PCDH7: variants seen among roughly 807,000 people sequenced by gnomAD.
PCDH7 encodes protocadherin-7.
A neutral mutation model predicts 58.9 loss-of-function variants in PCDH7; 17 were observed. The ratio of observed to expected loss-of-function variants is 0.29; its 90% CI spans 0.20 to 0.43. The LOEUF (loss-of-function observed/expected upper bound fraction) is 0.43. Ranked by LOEUF, PCDH7 falls within the 20% of genes least tolerant of loss-of-function variation. PCDH7 has a pLI of 1.00. For synonymous variants in PCDH7, 664 were observed against 616.4 expected, an observed-to-expected ratio of 1.08 and a Z score of -1.14; for missense variants, 1,274 against 1,441.0, an observed-to-expected ratio of 0.88 and a Z score of 1.88.
At chr4:31,078,664 T>C (rs1158861050) in intron 3 of PCDH7, among the ~76,000 whole-genome samples, 2 of 125,104 alleles carry the variant, frequency 1.6e-5, no homozygotes, top group Admixed American at 8.5e-5. Flanking sequence ...TTTTTTTTTT[T>C]GCAATCAAAC....
At chr4:30,897,783 G>T (rs774718686) in intron 1 of PCDH7, among the ~76,000 whole-genome samples, 3 of 152,140 alleles carry the variant, frequency 2.0e-5, no homozygotes, top group African/African-American at 4.8e-5. Context: ...AATGAAATAG[G>T]TTGTACTTTT....
Position 31,103,376 on chromosome 4 carries a change from G to A in PCDH7, c.*8-39097G>A, listed in dbSNP as rs375090900. Among the ~76,000 whole-genome samples the A allele has an allele frequency of 5.3e-5, 8 of 151,886 alleles. No individual in the cohort carries two copies. In the East Asian group the frequency reaches 9.7e-4, roughly 18 times the overall value. ...TGTTTTTGAGACAGCGTCTTGCTCTGTCACCTAGGCTGCTGTGCAGAGGCG... is the reference window on the plus strand; with the variant it reads ...TGTTTTTGAGACAGCGTCTTGCTCTATCACCTAGGCTGCTGTGCAGAGGCG... On this transcript the variant is annotated intron_variant, in intron 3 of 3. Coordinates refer to the PCDH7 transcript ENST00000509759.
At chr4:30,734,676 T>A (rs1715993774), downstream of PCDH7, among the ~76,000 whole-genome samples, 1 of 152,194 alleles carries the variant, frequency 6.6e-6, no homozygotes, top group Non-Finnish European at 1.5e-5. Flanking sequence ...TCAGAGGGAC[T>A]GCTGTCAAGT....
At chr4:30,993,739 A>G (rs1490902354) in intron 3 of PCDH7, among the ~76,000 whole-genome samples, 1 of 148,234 alleles carries the variant, frequency 6.7e-6, no homozygotes, top group Non-Finnish European at 1.5e-5. Flanking sequence ...TTCAATTTAG[A>G]TTTTTTTTTT....
At chr4:30,957,431 T>C (rs1385228059) in intron 3 of PCDH7, among the ~76,000 whole-genome samples, 6 of 152,154 alleles carry the variant, frequency 3.9e-5, no homozygotes, top group Non-Finnish European at 8.8e-5. Context: ...GTTCAAATAA[T>C]GAAGAAGATG....
At chr4:30,851,560 G>T (rs1367249109) in intron 1 of PCDH7, among the ~76,000 whole-genome samples, 1 of 151,892 alleles carries the variant, frequency 6.6e-6, no homozygotes, top group Admixed American at 6.6e-5. Context: ...CTAAATGGTT[G>T]GACAAACTAT....
At chr4:30,740,863 T>C (rs536170304) in intron 1 of PCDH7, among the ~76,000 whole-genome samples, 1 of 135,978 alleles carries the variant, frequency 7.4e-6, no homozygotes, top group African/African-American at 2.8e-5. Context: ...AGCATTTATA[T>C]AAATTTTTAT....
chr4:31,146,411 A>AGTAAATCTTGT (rs1720676499), downstream of PCDH7: 1 of 152,088 alleles, frequency 6.6e-6, no homozygotes, highest in Non-Finnish European at 1.5e-5. Context: ...TCATGAATAT[A>AGTAAATCTTGT]GTAAATCTTG....
At chr4:30,882,935 T>C (rs374254008) in intron 1 of PCDH7, among the ~76,000 whole-genome samples, 3 of 152,230 alleles carry the variant, frequency 2.0e-5, no homozygotes, top group African/African-American at 7.2e-5. Context: ...GAGACTCTTA[T>C]TGACCCAGCC....
intron 1 of PCDH7, among the ~76,000 whole-genome samples, chr4:30,888,601 GATT>G (rs756712582): frequency 6.6e-6 from 1 of 152,214 alleles, no homozygotes; most frequent in South Asian, 2.1e-4. Flanking sequence ...AGTATTAAGG[GATT>G]ATTGTTAATA....
In PCDH7 at chr4:30,761,696, A is replaced by G. The variant is rs376616651; in HGVS notation, c.70+37100A>G. Among the ~76,000 whole-genome samples, 26 of 152,346 alleles carry G rather than the reference A, an allele frequency of 1.7e-4. No individual in the cohort carries two copies. The South Asian group carries it at 5.4e-3, about 32-fold the overall frequency. ...ATTCAAATCCAGTAAATAAACCTGC[A>G]AAGTGGAAAGGTCCAAATTCAATCA... On this transcript the variant is annotated intron_variant, in intron 1 of 3. Coordinates refer to the PCDH7 transcript ENST00000509759.
intron 1 of PCDH7, among the ~76,000 whole-genome samples, chr4:30,739,911 A>G (rs77422054): frequency 0.024 from 3,665 of 152,312 alleles, 214 homozygotes; most frequent in East Asian, 0.22. Flanking sequence ...TAAATAGTAT[A>G]TCAATGATAA....
chr4:31,142,546 C>T (rs1319109943), exon 4 of PCDH7: 3 of 1,367,784 alleles, frequency 2.2e-6, no homozygotes, highest in African/African-American at 2.9e-5. Flanking sequence ...GCCACTCAGA[C>T]TCCTGCTGGA....
At chr4:31,110,913 TAA>T (rs781688769) in intron 3 of PCDH7, among the ~76,000 whole-genome samples, 9 of 126,984 alleles carry the variant, frequency 7.1e-5, no homozygotes, top group Admixed American at 8.1e-5. Flanking sequence ...AGACTATGTC[TAA>T]AAAAAAAAAA....
At chr4:30,909,815 GA>G (rs1001195776) in intron 1 of PCDH7, among the ~76,000 whole-genome samples, 4 of 151,956 alleles carry the variant, frequency 2.6e-5, no homozygotes, top group Non-Finnish European at 5.9e-5. Context: ...CACAGCATTA[GA>G]AAAAAATACT....
At chr4:30,796,997 G>C (rs1724867801) in intron 1 of PCDH7, among the ~76,000 whole-genome samples, 1 of 151,340 alleles carries the variant, frequency 6.6e-6, no homozygotes, top group Admixed American at 6.6e-5. Flanking sequence ...GTCTGACTCA[G>C]TAGCCCAAGG....
In PCDH7 at chr4:31,040,540, C is replaced by T. The variant is rs546406114; in HGVS notation, c.*7+90325C>T. Among the ~76,000 whole-genome samples the T allele has an allele frequency of 1.4e-4, 21 of 152,042 alleles. 1 individual carries two copies. The highest frequency in any genetic ancestry group is 4.6e-4 in the Admixed American group (7 of 15,238). ...AATATGTTGTATCAGTTGAAATAAA[C>T]GAGAATTGATTTCATTTCGGTATAT... On this transcript the variant is annotated intron_variant, in intron 3 of 3. Coordinates refer to the PCDH7 transcript ENST00000509759.
chr4:30,938,935 C>G (rs187765728), intron 2 of PCDH7, among the ~76,000 whole-genome samples: 297 of 152,100 alleles, frequency 2.0e-3, no homozygotes, highest in African/African-American at 6.6e-3. Flanking sequence ...AAAGTGTGTC[C>G]TTATATTTTT....
Position 30,721,957 on chromosome 4 carries a change from C to G in PCDH7, c.535C>G (p.Arg179Gly), listed in dbSNP as rs1267504226. The G allele has an allele frequency of 7.1e-6, 11 of 1,539,318 alleles. No homozygotes were observed. The highest frequency in any genetic ancestry group is 2.8e-5 in the African/African-American group (2 of 72,520). Residue 179 changes from arginine to glycine, a missense_variant, in exon 1 of 2, where the codon CGC (arginine) becomes GGC (glycine). Transcript: ENST00000361762. This position sits in a 1 kb window ranked among gnomAD's most constrained non-coding sequence, Gnocchi z 6.7. ...CGACTTCGGCCGCAACGGCATCGAG[C>G]GCTACGAGCTGCTCCAGGAGCCCGG...
Sources: allele counts gnomAD v4.1 joint callset (sites outside exome capture counted in the v4.1 genomes callset), GRCh38; gene constraint gnomAD v4.1.1; non-coding constraint Gnocchi (gnomAD v3.1); transcripts MANE v1.5; gene names NCBI Gene and HGNC (gene_info 2026-07-23, HGNC 2026-07-21).